CHSY3: variants seen among roughly 807,000 people sequenced by gnomAD.
CHSY3 encodes the protein N-acetylgalactosaminyl-proteoglycan 3-beta-glucuronosyltransferase 3.
Under a neutral mutation model 67.2 loss-of-function variants are expected in CHSY3, and 35 were observed. That is an observed-to-expected ratio of 0.52 (90% CI 0.40 to 0.69). The LOEUF (loss-of-function observed/expected upper bound fraction) is 0.69. Ranked by LOEUF, CHSY3 falls within the 30% of genes least tolerant of loss-of-function variation. The probability of loss-of-function intolerance (pLI) is 0.00; values close to 1 mark genes in which losing one functional copy is unlikely to be tolerated. For synonymous variants in CHSY3, 474 were observed against 434.7 expected (o/e 1.09, Z -1.12); for missense variants, 1,069 against 1,138.5 (o/e 0.94, Z 0.88).
At chr5:130,132,161 T>C (rs1408331075) in intron 2 of CHSY3, among the ~76,000 whole-genome samples, 2 of 152,198 alleles carry the variant, frequency 1.3e-5, no homozygotes, top group Non-Finnish European at 2.9e-5. Context: ...CATAGAGGCA[T>C]AGACATATTT....
chr5:130,180,084 T>C (rs1166307584), intron 2 of CHSY3, among the ~76,000 whole-genome samples: 1 of 152,190 alleles, frequency 6.6e-6, no homozygotes, highest in South Asian at 2.1e-4. Context: ...GTAAGTTTTA[T>C]GCCCTACATT....
intron 2 of CHSY3, among the ~76,000 whole-genome samples, chr5:129,954,769 T>C (rs1420579601): frequency 2.0e-5 from 3 of 152,174 alleles, no homozygotes; most frequent in East Asian, 3.8e-4. Flanking sequence ...TCACTCATGA[T>C]TTGGCTCTCT....
At chr5:129,985,514 T>G (rs1430364206) in intron 2 of CHSY3, among the ~76,000 whole-genome samples, 1 of 152,170 alleles carries the variant, frequency 6.6e-6, no homozygotes, top group Non-Finnish European at 1.5e-5. Context: ...TGGGCTTTTT[T>G]TTTTGGTTCC....
chr5:130,032,940 GT>G (rs1011509317), intron 2 of CHSY3, among the ~76,000 whole-genome samples: 14 of 152,166 alleles, frequency 9.2e-5, no homozygotes, highest in African/African-American at 3.4e-4. Context: ...CATTAGACAA[GT>G]CCCATGTTGT....
intron 2 of CHSY3, among the ~76,000 whole-genome samples, chr5:130,131,243 T>C (rs1292413765): frequency 6.6e-6 from 1 of 152,138 alleles, no homozygotes; most frequent in African/African-American, 2.4e-5. Context: ...TTTCTCTCAC[T>C]TTTCACACTC....
At chr5:129,981,224 C>A (rs1296373766) in intron 2 of CHSY3, among the ~76,000 whole-genome samples, 10 of 147,860 alleles carry the variant, frequency 6.8e-5, no homozygotes, top group Non-Finnish European at 6.0e-5. Context: ...CCGTCTCAAA[C>A]AAAAAAAAAA....
rs867252132 is a variant in CHSY3 at position 130,087,805 on chromosome 5, T to C, written c.1087-96424T>C. On this transcript the variant is annotated intron_variant, in intron 2 of 2. Transcript: ENST00000305031. ...TGGCCATACCGCCCAAGGTAATTTATAGATTCAATGCCATCCCCATCAAGC... is the reference window on the plus strand; with the variant it reads ...TGGCCATACCGCCCAAGGTAATTTACAGATTCAATGCCATCCCCATCAAGC... 8.6e-3 allele frequency among the ~76,000 whole-genome samples: 1,307 copies of C among 151,406 alleles called. 17 individuals carry two copies. Among genetic ancestry groups the C allele is most frequent in the African/African-American group, 0.03 (1,238 of 41,056 alleles).
chr5:130,118,567 A>T (rs991096511), intron 2 of CHSY3, among the ~76,000 whole-genome samples: 8 of 151,986 alleles, frequency 5.3e-5, no homozygotes, highest in Non-Finnish European at 8.8e-5. Context: ...GGTGATTCTC[A>T]TTAACCTTAG....
At chr5:129,954,828 T>C (rs181020583) in intron 2 of CHSY3, among the ~76,000 whole-genome samples, 82 of 152,272 alleles carry the variant, frequency 5.4e-4, no homozygotes, top group African/African-American at 2.0e-3. Flanking sequence ...ACATTGATTT[T>C]GTATCATGAG....
intron 2 of CHSY3, among the ~76,000 whole-genome samples, chr5:130,018,650 G>A (rs188885934): frequency 2.0e-5 from 3 of 152,228 alleles, no homozygotes; most frequent in East Asian, 3.9e-4. Flanking sequence ...CAGCCTTGTC[G>A]ATGTATTGTG....
chr5:130,108,610 T>C (rs554621057), intron 2 of CHSY3, among the ~76,000 whole-genome samples: 1 of 151,806 alleles, frequency 6.6e-6, no homozygotes, highest in South Asian at 2.1e-4. Context: ...CAATCCCATA[T>C]ATGCGGTTAT....
In CHSY3 at chr5:130,103,959, A is replaced by G. The variant is rs545420092; in HGVS notation, c.1087-80270A>G. 1.1e-3 allele frequency among the ~76,000 whole-genome samples: 174 copies of G among 152,044 alleles called. 1 individual carries two copies. The highest frequency in any genetic ancestry group is 3.4e-3 in the African/African-American group (143 of 41,536). ...CTTAAAAGTGTCTTATATCTCAAAA[A>G]CAGTCCCTTGTTCTAGCCAGAGACT... On this transcript the variant is annotated intron_variant, in intron 2 of 2. Transcript: ENST00000305031.
intron 2 of CHSY3, among the ~76,000 whole-genome samples, chr5:130,027,466 A>G: frequency 6.6e-6 from 1 of 151,924 alleles, no homozygotes; most frequent in East Asian, 1.9e-4. Context: ...CTTAATATAT[A>G]TTTTTTAATT....
At chr5:130,157,682 A>T (rs78474814) in intron 2 of CHSY3, among the ~76,000 whole-genome samples, 6,567 of 152,334 alleles carry the variant, frequency 0.043, 376 homozygotes, top group East Asian at 0.27. Context: ...GGGTTCCTGG[A>T]TTTCGAGCAA....
chr5:129,956,159 C>T (rs1762166501), intron 2 of CHSY3, among the ~76,000 whole-genome samples: 1 of 152,132 alleles, frequency 6.6e-6, no homozygotes, highest in African/African-American at 2.4e-5. Flanking sequence ...CTCCCGCCAA[C>T]AGTGTATAAG....
chr5:130,139,258 G>T (rs550022162), intron 2 of CHSY3, among the ~76,000 whole-genome samples: 1 of 152,274 alleles, frequency 6.6e-6, no homozygotes, highest in East Asian at 1.9e-4. Flanking sequence ...TCAGCCAAGG[G>T]TAGAAATTGA....
chr5:130,001,535 C>T, intron 2 of CHSY3: 1 of 927,494 alleles, frequency 1.1e-6, no homozygotes, highest in Non-Finnish European at 1.3e-6. Flanking sequence ...CCAAGATACG[C>T]AGGACCCCAT....
At chr5:130,093,048 C>G (rs956559607) in intron 2 of CHSY3, among the ~76,000 whole-genome samples, 1 of 152,080 alleles carries the variant, frequency 6.6e-6, no homozygotes, top group Non-Finnish European at 1.5e-5. Flanking sequence ...GTAACTTTCT[C>G]AAGTTTTAAG....
chr5:130,061,687 G>A (rs886890809), intron 2 of CHSY3, among the ~76,000 whole-genome samples: 1 of 152,000 alleles, frequency 6.6e-6, no homozygotes, highest in Admixed American at 6.6e-5. Flanking sequence ...GAATTTATAA[G>A]GAACTCAGAC....
Sources: gnomAD v4.1 joint callset for allele counts (sites outside exome capture counted in the v4.1 genomes callset) on GRCh38, gnomAD v4.1.1 for gene constraint, MANE v1.5 for transcripts, NCBI Gene and HGNC (gene_info 2026-07-23, HGNC 2026-07-21) for gene names.